Variants in ANKUB1 observed in about 807,000 individuals in gnomAD.
ANKUB1 encodes the protein protein ANKUB1.
Under a neutral mutation model 49.3 loss-of-function variants are expected in ANKUB1, and 42 were observed. That is an observed-to-expected ratio of 0.85 (90% CI 0.67 to 1.10). ANKUB1 has a LOEUF of 1.10. Ranked by LOEUF, ANKUB1 falls within the 50% of genes least tolerant of loss-of-function variation. ANKUB1 has a pLI of 0.00. For synonymous variants in ANKUB1, 222 were observed against 231.0 expected (o/e 0.96, Z 0.35); for missense variants, 613 against 642.0 (o/e 0.95, Z 0.49).
At chr3:149,789,343 G>A (rs1193965639) in intron 2 of ANKUB1, among the ~76,000 whole-genome samples, 1 of 152,012 alleles carries the variant, frequency 6.6e-6, no homozygotes, top group Non-Finnish European at 1.5e-5. Context: ...CCTTATGATT[G>A]GTATTACAGA....
Position 149,761,502 on chromosome 3 carries a change from A to C in ANKUB1, c.1617T>G (p.Ser539=). Residue 539 remains serine (S), a synonymous_variant, in exon 6 of 6, where the codon TCT becomes TCG. Transcript: ENST00000446160. ...TGACTTTTCAAAGCACAGTTTCTAG[A>C]GAGTTTTCACACGCTGTCAGACCTC... is the stretch of plus-strand genomic sequence containing the variant. ...TRGGLTACEN[S]LETVL 2 of 1,551,412 alleles carry C rather than the reference A, an allele frequency of 1.3e-6. No individual in the cohort carries two copies. The highest frequency in any genetic ancestry group is 1.7e-6 in the Non-Finnish European group (2 of 1,146,754).
At position 149,792,330 on chromosome 3, in the gene ANKUB1, G is replaced by T; in HGVS notation, c.37C>A (p.Pro13Thr). ...IFIAFEGSFEPFDVSADETVE... is the reference protein window; with the variant it reads ...IFIAFEGSFETFDVSADETVE... ...GTTTCATCTGCTGAAACATCAAACG[G>T]TTCAAAAGATCCTTCAAAGGCGATG... The change falls in exon 1 of 6, where the codon CCG becomes ACG. Residue 13 changes from proline to threonine, a missense_variant. Transcript: ENST00000446160. The T allele has an allele frequency of 6.5e-7, 1 of 1,529,366 alleles. No individual in the cohort carries two copies. The highest frequency in any genetic ancestry group is 8.8e-7 in the Non-Finnish European group (1 of 1,134,848). The allele number at this position is 1,529,366 out of a possible 1,614,324, so 94.7% of individuals were successfully genotyped here.
At chr3:149,771,320 A>C (rs1205450999) in intron 3 of ANKUB1, among the ~76,000 whole-genome samples, 1 of 152,186 alleles carries the variant, frequency 6.6e-6, no homozygotes, top group Non-Finnish European at 1.5e-5. Context: ...GATTAAACCC[A>C]GCCTTCTCCC....
chr3:149,783,614 A>T (rs1479307394), intron 2 of ANKUB1: 1 of 152,252 alleles, frequency 6.6e-6, no homozygotes, highest in Non-Finnish European at 1.5e-5. Flanking sequence ...GAAAGTTTTG[A>T]ATGTACTGCT....
intron 3 of ANKUB1, 95 bp downstream of exon 3, chr3:149,780,144 T>C (rs1425899194): frequency 9.3e-6 from 9 of 968,362 alleles, no homozygotes; most frequent in Non-Finnish European, 1.2e-5. Flanking sequence ...TATATGAAAA[T>C]CTAGATTTCT....
chr3:149,769,020 T>C (rs1403405952), intron 4 of ANKUB1, among the ~76,000 whole-genome samples: 1 of 152,170 alleles, frequency 6.6e-6, no homozygotes, highest in East Asian at 1.9e-4. Flanking sequence ...AGCTATTTCT[T>C]TGGATGCAGA....
chr3:149,768,300 G>A lies in ANKUB1; in HGVS notation c.567-205C>T, dbSNP rs369307220. ...TTATACACATTATCCTACTATGCACGTGTAAATAGTTTCCTTGAAGTGGTC... is the reference window on the plus strand; with the variant it reads ...TTATACACATTATCCTACTATGCACATGTAAATAGTTTCCTTGAAGTGGTC... On this transcript the variant is annotated intron_variant, in intron 4 of 5. Transcript: ENST00000446160. Among the ~76,000 whole-genome samples, 16 of 152,148 alleles carry A rather than the reference G, an allele frequency of 1.1e-4. No homozygotes were observed. In the East Asian group the frequency reaches 1.2e-3, roughly 11 times the overall value.
chr3:149,792,361 C>T lies in ANKUB1; in HGVS notation c.6G>A (p.Arg2=). Residue 2 remains arginine (R), a synonymous_variant, in exon 1 of 6, where the codon AGG becomes AGA. Coordinates refer to ENST00000446160, the MANE Select transcript of ANKUB1 (RefSeq NM_001144960.3). ...AAGATCCTTCAAAGGCGATGAAAAT[C>T]CTCATTGTACAATTACCTTTTCAAA... The part of the protein sequence containing the change: M[R]IFIAFEGSFE... The T allele has an allele frequency of 6.7e-7, 1 of 1,501,244 alleles. No individual in the cohort carries two copies. 93.0% of individuals were successfully genotyped at this position (1,501,244 alleles called of 1,614,324 possible).
At chr3:149,765,592 T>C (rs1428985489) in intron 5 of ANKUB1, among the ~76,000 whole-genome samples, 7 of 152,168 alleles carry the variant, frequency 4.6e-5, no homozygotes, top group African/African-American at 1.2e-4. Flanking sequence ...TGCTTTTTCA[T>C]GCACATTTCC....
rs948243907 is a variant in ANKUB1 at position 149,790,631 on chromosome 3, T to C, written c.234+150A>G. 9 of 759,120 alleles carry C rather than the reference T, an allele frequency of 1.2e-5. No homozygotes were observed. The South Asian group carries it at 1.8e-4, about 15-fold the overall frequency. 47.0% of individuals were successfully genotyped at this position (759,120 alleles called of 1,614,324 possible). On this transcript the variant is annotated intron_variant, in intron 2 of 5. Transcript: ENST00000446160. ...TTACTTCCCCTTACAGCACAAAGCA[T>C]GCGTAAGACCTGTTATACAAATGGA...
chr3:149,762,967 C>G (rs1034286007), intron 5 of ANKUB1, among the ~76,000 whole-genome samples: 1 of 152,216 alleles, frequency 6.6e-6, no homozygotes, highest in African/African-American at 2.4e-5. Context: ...TTTACCTCAC[C>G]TCTGCCCATG....
At position 149,780,426 on chromosome 3, in the gene ANKUB1, G is replaced by A. The variant is rs1243817368; in HGVS notation, c.264C>T (p.Phe88=). The A allele has an allele frequency of 8.4e-6, 13 of 1,551,966 alleles. No homozygotes were observed. The highest frequency in any genetic ancestry group is 1.1e-5 in the Non-Finnish European group (13 of 1,146,966). The change falls in exon 3 of 6, where the codon TTC becomes TTT. Residue 88 remains phenylalanine (F), a synonymous_variant. Coordinates refer to ENST00000446160, the MANE Select transcript of ANKUB1 (RefSeq NM_001144960.3). The part of the protein sequence containing the change: ...KEEDKPTLYV[F]NAVTQDTMPV... Reference sequence around the variant, plus strand: ...GCATTGTGTCTTGAGTTACAGCATTGAACACGTATAGAGTAGGCTTGTCTT... The same window carrying A: ...GCATTGTGTCTTGAGTTACAGCATTAAACACGTATAGAGTAGGCTTGTCTT...
intron 3 of ANKUB1, among the ~76,000 whole-genome samples, chr3:149,773,725 C>T (rs528944936): frequency 6.6e-6 from 1 of 152,314 alleles, no homozygotes; most frequent in Admixed American, 6.5e-5. Flanking sequence ...GTGAAAATCA[C>T]TCCCAAATGA....
At chr3:149,775,949 A>T (rs544338996) in intron 3 of ANKUB1, among the ~76,000 whole-genome samples, 92 of 152,106 alleles carry the variant, frequency 6.0e-4, no homozygotes, top group Non-Finnish European at 1.1e-3. Flanking sequence ...GACCTGTGTG[A>T]TATGTCACTA....
intron 4 of ANKUB1, among the ~76,000 whole-genome samples, chr3:149,769,846 GT>G (rs1331220692): frequency 2.0e-5 from 3 of 152,084 alleles, no homozygotes; most frequent in Admixed American, 6.6e-5. Context: ...CTTTAAAAAT[GT>G]TGCTGAAAGT....
At chr3:149,767,052 C>A in intron 5 of ANKUB1, 105 bp downstream of exon 5, 2 of 1,172,542 alleles carry the variant, frequency 1.7e-6, no homozygotes, top group Non-Finnish European at 2.4e-6. Context: ...ACTGGAACAA[C>A]TTGTATTACT....
intron 5 of ANKUB1, chr3:149,763,853 CA>C (rs1559859999): frequency 6.6e-6 from 3 of 455,214 alleles, no homozygotes; most frequent in South Asian, 4.7e-5. Flanking sequence ...GTGTTAACTG[CA>C]TAATGCCATC....
chr3:149,773,520 A>AT (rs1316429306), intron 3 of ANKUB1, among the ~76,000 whole-genome samples: 1 of 152,210 alleles, frequency 6.6e-6, no homozygotes, highest in Non-Finnish European at 1.5e-5. Context: ...TTCTGTAGAA[A>AT]TACCTTGATA....
chr3:149,768,121 G>A, intron 4 of ANKUB1, 26 bp from the exon 5 acceptor site: 2 of 1,322,324 alleles, frequency 1.5e-6, no homozygotes, highest in South Asian at 5.0e-5. Context: ...AAGTGGGGAG[G>A]GGGTGTTTAG....
Sources: gnomAD v4.1 joint callset for allele counts (sites outside exome capture counted in the v4.1 genomes callset) on GRCh38, gnomAD v4.1.1 for gene constraint, MANE v1.5 for transcripts, NCBI Gene and HGNC (gene_info 2026-07-23, HGNC 2026-07-21) for gene names.